AGBL3: variants seen among roughly 807,000 people sequenced by gnomAD.
AGBL3 encodes cytosolic carboxypeptidase 3.
AGBL3 carries 68 observed loss-of-function variants against 94.5 expected under a neutral mutation model. The ratio of observed to expected loss-of-function variants is 0.72; its 90% CI spans 0.59 to 0.88. The LOEUF (loss-of-function observed/expected upper bound fraction) is 0.88, where lower values mean the gene tolerates loss of function less well. Ranked by LOEUF, AGBL3 falls within the 40% of genes least tolerant of loss-of-function variation. The pLI is 0.00. For missense variants in AGBL3, 934 were observed against 1,103.8 expected, an observed-to-expected ratio of 0.85 and a Z score of 2.18; for synonymous variants, 354 against 370.7, an observed-to-expected ratio of 0.95 and a Z score of 0.52.
chr7:135,083,269 C>A (rs1485548991), intron 15 of AGBL3, among the ~76,000 whole-genome samples: 1 of 152,088 alleles, frequency 6.6e-6, no homozygotes, highest in African/African-American at 2.4e-5. Context: ...CTTCATACTA[C>A]CATCAAAGTG....
At chr7:135,057,833 T>A (rs1291959284) in intron 11 of AGBL3, among the ~76,000 whole-genome samples, 1 of 152,234 alleles carries the variant, frequency 6.6e-6, no homozygotes, top group Non-Finnish European at 1.5e-5. Context: ...ATGGCAGAAC[T>A]TTAATTTATA....
At position 134,986,527 on chromosome 7, in the gene AGBL3, T is replaced by C. The variant is rs1250853965; in HGVS notation, c.-234T>C. ...GGACCCGTTGCCTGATGACGAGAGT[T>C]GGGAGTGTGGCTGGGGCTGCGGATC... On this transcript the variant is annotated 5_prime_UTR_variant, in exon 1 of 17. Coordinates refer to ENST00000436302, the MANE Select transcript of AGBL3 (RefSeq NM_178563.4). 6.6e-6 allele frequency: 1 copy of C among 152,346 alleles called. No homozygotes were observed. The highest frequency in any genetic ancestry group is 1.5e-5 in the Non-Finnish European group (1 of 68,154). 9.4% of individuals were successfully genotyped at this position (152,346 alleles called of 1,614,324 possible). A position where few individuals can be genotyped will look rare whatever the true frequency, so the allele number is the denominator to read the frequency against.
At chr7:135,072,629 C>G (rs751905544) in intron 12 of AGBL3, among the ~76,000 whole-genome samples, 22 of 152,010 alleles carry the variant, frequency 1.4e-4, no homozygotes, top group Non-Finnish European at 2.6e-4. Context: ...ATGGATGAAG[C>G]TGGAAACCAT....
At chr7:135,046,423 T>C (rs770500955) in intron 11 of AGBL3, among the ~76,000 whole-genome samples, 2 of 152,066 alleles carry the variant, frequency 1.3e-5, no homozygotes, top group Non-Finnish European at 2.9e-5. Context: ...ACTATTATAG[T>C]ATCATAGAGT....
At chr7:135,029,601 T>G (rs1288864236) in intron 5 of AGBL3, among the ~76,000 whole-genome samples, 1 of 152,190 alleles carries the variant, frequency 6.6e-6, no homozygotes, top group Non-Finnish European at 1.5e-5. Flanking sequence ...ACTTTTTCCA[T>G]GTCAGCAATA....
chr7:135,047,223 A>G (rs1006310118), intron 11 of AGBL3, among the ~76,000 whole-genome samples: 1 of 151,988 alleles, frequency 6.6e-6, no homozygotes, highest in African/African-American at 2.4e-5. Flanking sequence ...TTGTTAACTT[A>G]TTGCAGAATT....
chr7:135,084,923 A>G (rs1345748664), intron 15 of AGBL3, among the ~76,000 whole-genome samples: 1 of 152,012 alleles, frequency 6.6e-6, no homozygotes, highest in African/African-American at 2.4e-5. Context: ...CCTCCATATT[A>G]TTCTCCATAA....
intron 5 of AGBL3, among the ~76,000 whole-genome samples, chr7:135,024,971 G>T (rs1814929335): frequency 6.6e-6 from 1 of 151,600 alleles, no homozygotes; most frequent in Non-Finnish European, 1.5e-5. Context: ...ATGAGATTAT[G>T]TAAAGATTCC....
chr7:135,011,241 AC>A (rs1318265112), intron 4 of AGBL3: 1 of 152,124 alleles, frequency 6.6e-6, no homozygotes, highest in African/African-American at 2.4e-5. Context: ...GTGAAATCTC[AC>A]CCCAACCTTA....
intron 12 of AGBL3, among the ~76,000 whole-genome samples, chr7:135,060,482 T>C (rs529528415): frequency 6.6e-6 from 1 of 152,268 alleles, no homozygotes; most frequent in African/African-American, 2.4e-5. Flanking sequence ...TGATGCATAA[T>C]AGATCTCTTG....
intron 11 of AGBL3, among the ~76,000 whole-genome samples, chr7:135,056,367 T>C (rs1205150161): frequency 1.3e-5 from 2 of 152,120 alleles, no homozygotes; most frequent in Non-Finnish European, 2.9e-5. Context: ...TTTTCTGACA[T>C]ATGCATTCAA....
intron 2 of AGBL3, chr7:134,988,271 G>A: frequency 3.4e-6 from 1 of 291,272 alleles, no homozygotes; most frequent in South Asian, 4.1e-5. Context: ...GAAATTATTA[G>A]TAGGGTTTTA....
intron 8 of AGBL3, 87 bp downstream of exon 8, chr7:135,037,667 C>A: frequency 8.8e-7 from 1 of 1,133,814 alleles, no homozygotes; most frequent in Non-Finnish European, 1.2e-6. Flanking sequence ...TAATACTATT[C>A]CAAACTGCTT....
chr7:135,015,242 C>A (rs569607595), intron 4 of AGBL3, among the ~76,000 whole-genome samples: 30 of 152,240 alleles, frequency 2.0e-4, no homozygotes, highest in African/African-American at 7.2e-4. Flanking sequence ...ACTTAAACAA[C>A]GCTTGCTCGA....
At chr7:135,039,350 AAAGAAAATGAAAATATGT>A (rs1816616820) in intron 8 of AGBL3, among the ~76,000 whole-genome samples, 1 of 152,150 alleles carries the variant, frequency 6.6e-6, no homozygotes, top group African/African-American at 2.4e-5. Flanking sequence ...GTTTCACCTG[AAAGAAAATGAAAATATGT>A]AACATGAAAT....
intron 4 of AGBL3, among the ~76,000 whole-genome samples, chr7:135,004,831 T>C (rs1812185587): frequency 6.6e-6 from 1 of 151,600 alleles, no homozygotes; most frequent in Non-Finnish European, 1.5e-5. Flanking sequence ...TGTTAATTTT[T>C]TCAAAGAATC....
Position 135,129,095 on chromosome 7 carries a change from T to C in AGBL3, c.2343-5746T>C. 12 of 1,592,188 alleles carry C rather than the reference T, an allele frequency of 7.5e-6. No homozygotes were observed. The South Asian group carries it at 8.8e-5, about 12-fold the overall frequency. On this transcript the variant is annotated intron_variant, in intron 16 of 16. Transcript: ENST00000436302. ...CAAAGTGCCCTTCAGTGGCCACTACTGGTCAGGTCAAAGAGCTAGTGGAAG... is the reference window on the plus strand; with the variant it reads ...CAAAGTGCCCTTCAGTGGCCACTACCGGTCAGGTCAAAGAGCTAGTGGAAG...
At chr7:135,062,213 C>A (rs1359461652) in intron 12 of AGBL3, among the ~76,000 whole-genome samples, 2 of 151,862 alleles carry the variant, frequency 1.3e-5, no homozygotes, top group African/African-American at 4.8e-5. Flanking sequence ...ATTAATCATA[C>A]TTTGTATAGA....
chr7:135,134,400 C>T (rs1256346801), intron 16 of AGBL3, among the ~76,000 whole-genome samples: 1 of 146,306 alleles, frequency 6.8e-6, no homozygotes, highest in African/African-American at 2.5e-5. Context: ...GAAAACTTCC[C>T]TCTCTTAGAC....
Sources: allele counts gnomAD v4.1 joint callset (sites outside exome capture counted in the v4.1 genomes callset), GRCh38; gene constraint gnomAD v4.1.1; transcripts MANE v1.5; gene names NCBI Gene and HGNC (gene_info 2026-07-23, HGNC 2026-07-21).